The following SLC9A9 variants were observed in gnomAD, a reference collection of about 807,000 sequenced individuals.
The protein encoded by SLC9A9 is solute carrier family 9 member A9, also known as sodium/hydrogen exchanger 9.
SLC9A9 carries 62 observed loss-of-function variants against 77.8 expected under a neutral mutation model. The observed-to-expected ratio is 0.80, with a 90% CI of 0.65 to 0.98. The LOEUF (loss-of-function observed/expected upper bound fraction) is 0.98. SLC9A9 is among the 50% of genes least tolerant of loss of function. SLC9A9 has a pLI of 0.00. For synonymous variants in SLC9A9, 320 were observed against 283.5 expected (o/e 1.13, Z -1.29); for missense variants, 775 against 774.9 (o/e 1.00, Z 0.00).
intron 5 of SLC9A9, among the ~76,000 whole-genome samples, chr3:143,666,905 C>T (rs1438707415): frequency 6.6e-6 from 1 of 152,174 alleles, no homozygotes; most frequent in East Asian, 1.9e-4. Flanking sequence ...GGCCATACTG[C>T]CCAAGGTAAT....
Position 143,479,121 on chromosome 3 carries a change from C to G in SLC9A9, c.1316-11931G>C, listed in dbSNP as rs140913452. On this transcript the variant is annotated intron_variant, in intron 11 of 15. Coordinates refer to ENST00000316549, the MANE Select transcript of SLC9A9 (RefSeq NM_173653.4). ...GACGGTCTGATTATCCACAAGATCTCGCTAGTGTTTCACACTCAATAAATG... is the reference window on the plus strand; with the variant it reads ...GACGGTCTGATTATCCACAAGATCTGGCTAGTGTTTCACACTCAATAAATG... Among the ~76,000 whole-genome samples the G allele has an allele frequency of 2.7e-3, 408 of 152,286 alleles. 1 individual carries two copies. The highest frequency in any genetic ancestry group is 9.6e-3 in the African/African-American group (400 of 41,554).
At chr3:143,776,723 G>C (rs113322100) in intron 4 of SLC9A9, among the ~76,000 whole-genome samples, 1,624 of 152,150 alleles carry the variant, frequency 0.011, 22 homozygotes, top group African/African-American at 0.037. Flanking sequence ...CTCTATAAAG[G>C]CAGGTTATTT....
chr3:143,537,972 C>CACT (rs1251760229), intron 9 of SLC9A9, among the ~76,000 whole-genome samples: 3 of 152,228 alleles, frequency 2.0e-5, no homozygotes, highest in Non-Finnish European at 2.9e-5. Flanking sequence ...ACACATATAT[C>CACT]ACTACATGTC....
At chr3:143,682,052 G>C (rs1553779335) in intron 5 of SLC9A9, among the ~76,000 whole-genome samples, 3 of 152,106 alleles carry the variant, frequency 2.0e-5, no homozygotes, top group Non-Finnish European at 4.4e-5. Context: ...GTATCTAGAG[G>C]CTCATGCTAC....
chr3:143,433,826 G>T (rs1232749798), intron 12 of SLC9A9, among the ~76,000 whole-genome samples: 2 of 152,242 alleles, frequency 1.3e-5, no homozygotes. Context: ...CAACTGGAAA[G>T]TAAGCTGGAA....
intron 9 of SLC9A9, among the ~76,000 whole-genome samples, chr3:143,542,191 A>G (rs1035861396): frequency 1.3e-5 from 2 of 152,260 alleles, no homozygotes; most frequent in Non-Finnish European, 2.9e-5. Flanking sequence ...TTTATACAAT[A>G]TAATGAGTTT....
At chr3:143,691,528 G>T (rs538451714) in intron 5 of SLC9A9, among the ~76,000 whole-genome samples, 2 of 152,090 alleles carry the variant, frequency 1.3e-5, no homozygotes, top group Non-Finnish European at 2.9e-5. Context: ...GATGGATCCA[G>T]ACAAAAACAG....
intron 5 of SLC9A9, among the ~76,000 whole-genome samples, chr3:143,682,863 T>G (rs1933146038): frequency 6.6e-6 from 1 of 152,174 alleles, no homozygotes; most frequent in African/African-American, 2.4e-5. Flanking sequence ...TCTGCAACTT[T>G]CAGAGACCCA....
At chr3:143,761,260 A>G (rs773420718) in intron 4 of SLC9A9, among the ~76,000 whole-genome samples, 9 of 152,220 alleles carry the variant, frequency 5.9e-5, no homozygotes, top group Non-Finnish European at 1.0e-4. Context: ...CCTAGGCAAT[A>G]CCATTCAGGA....
chr3:143,400,990 C>T (rs887526615), intron 12 of SLC9A9, among the ~76,000 whole-genome samples: 1 of 152,126 alleles, frequency 6.6e-6, no homozygotes, highest in Non-Finnish European at 1.5e-5. Context: ...ACCCTTGGAT[C>T]TTCTGGACTG....
intron 12 of SLC9A9, among the ~76,000 whole-genome samples, chr3:143,399,450 G>T (rs2033802002): frequency 6.6e-6 from 1 of 152,138 alleles, no homozygotes; most frequent in Admixed American, 6.5e-5. Flanking sequence ...ATTGAAAACT[G>T]CACCTTGATT....
rs560561212 is a variant in SLC9A9, at chr3:143,285,133, G to A, written c.1605-16153C>T. Among the ~76,000 whole-genome samples, 60 of 152,168 alleles carry A rather than the reference G, an allele frequency of 3.9e-4. 1 individual carries two copies. In the East Asian group the frequency reaches 8.9e-3, roughly 23 times the overall value. On this transcript the variant is annotated intron_variant, in intron 14 of 15. Transcript: ENST00000316549. The stretch of plus-strand genomic sequence containing the variant: ...TAAATCTAGGATACATGTGCAGAAC[G>A]TCAGGTTTGTCACATAGGTACACAC...
chr3:143,624,009 A>G (rs1182968803), intron 6 of SLC9A9, among the ~76,000 whole-genome samples: 1 of 152,238 alleles, frequency 6.6e-6, no homozygotes, highest in Non-Finnish European at 1.5e-5. Flanking sequence ...AAACTAGAAA[A>G]TCTAGAAGAA....
At chr3:143,396,082 A>T (rs948362908) in intron 12 of SLC9A9, among the ~76,000 whole-genome samples, 2 of 152,224 alleles carry the variant, frequency 1.3e-5, no homozygotes, top group African/African-American at 2.4e-5. Flanking sequence ...CATTTGACCC[A>T]GCAATCCCAT....
Position 143,266,580 on chromosome 3 carries a change from C to G in SLC9A9, c.*122G>C, listed in dbSNP as rs1937726233. 1.0e-6 allele frequency: 1 copy of G among 953,338 alleles called. No individual in the cohort carries two copies. The highest frequency in any genetic ancestry group is 1.6e-5 in the African/African-American group (1 of 61,576). 59.1% of individuals were successfully genotyped at this position (953,338 alleles called of 1,614,324 possible). A position where few individuals can be genotyped will look rare whatever the true frequency, so the allele number is the denominator to read the frequency against. On this transcript the variant is annotated 3_prime_UTR_variant, in exon 16 of 16. Coordinates refer to ENST00000316549, the MANE Select transcript of SLC9A9 (RefSeq NM_173653.4). ...GGATCCATGTGACAAGGCTTTGATT[C>G]TCTCCAATTTATGCTCTTAATATGT...
chr3:143,651,446 T>G (rs1289968068), intron 6 of SLC9A9, among the ~76,000 whole-genome samples: 1 of 152,256 alleles, frequency 6.6e-6, no homozygotes, highest in Non-Finnish European at 1.5e-5. Context: ...AACAATCTTT[T>G]GTTACTTCAC....
intron 4 of SLC9A9, among the ~76,000 whole-genome samples, chr3:143,762,786 C>T (rs1251554131): frequency 6.6e-6 from 1 of 152,124 alleles, no homozygotes; most frequent in Non-Finnish European, 1.5e-5. Context: ...GTGGCACTGT[C>T]CTCTGATTCT....
intron 6 of SLC9A9, among the ~76,000 whole-genome samples, chr3:143,628,521 A>C (rs895693952): frequency 6.6e-6 from 1 of 152,090 alleles, no homozygotes; most frequent in Non-Finnish European, 1.5e-5. Context: ...GTCGCTAAAC[A>C]CTCTAGTATT....
At chr3:143,732,011 A>T (rs765583929) in intron 4 of SLC9A9, among the ~76,000 whole-genome samples, 5 of 152,200 alleles carry the variant, frequency 3.3e-5, no homozygotes, top group Non-Finnish European at 5.9e-5. Context: ...CGGTGTCAGC[A>T]CATGAACTGC....
Sources: gnomAD v4.1 joint callset for allele counts (sites outside exome capture counted in the v4.1 genomes callset) on GRCh38, gnomAD v4.1.1 for gene constraint, MANE v1.5 for transcripts, NCBI Gene and HGNC (gene_info 2026-07-23, HGNC 2026-07-21) for gene names.